TRIM59: variants seen among roughly 807,000 people sequenced by gnomAD.
TRIM59 encodes the protein tripartite motif containing 59.
In TRIM59, 14 loss-of-function variants were observed where a neutral mutation model predicts 32.2. That is an observed-to-expected ratio of 0.43 (90% CI 0.29 to 0.68). The LOEUF is 0.68. TRIM59 is among the 30% of genes least tolerant of loss of function. TRIM59 has a pLI of 0.15. For missense variants in TRIM59, 471 were observed against 463.3 expected (o/e 1.02, Z -0.15); for synonymous variants, 163 against 155.1 (o/e 1.05, Z -0.38).
rs1718908980 is a variant in TRIM59, at chr3:160,435,814, G to A, written c.*2158C>T. 1 of 555,342 alleles carries A rather than the reference G, an allele frequency of 1.8e-6. No individual in the cohort carries two copies. 34.4% of individuals were successfully genotyped at this position (555,342 alleles called of 1,614,324 possible). A position where few individuals can be genotyped will look rare whatever the true frequency, so the allele number is the denominator to read the frequency against. On this transcript the variant is annotated 3_prime_UTR_variant, in exon 3 of 3. Coordinates refer to ENST00000309784, the MANE Select transcript of TRIM59 (RefSeq NM_173084.3). ...TGGCCTACTTTAAAGTTGAGTGATA[G>A]CATGAACTCTGAAAAGAGAATGCAT...
In TRIM59 at chr3:160,436,871, G is replaced by T. The variant is rs1307287097; in HGVS notation, c.*1101C>A. 2 of 950,762 alleles carry T rather than the reference G, an allele frequency of 2.1e-6. No homozygotes were observed. Among genetic ancestry groups the T allele is most frequent in the Admixed American group, 6.4e-5 (1 of 15,526 alleles). 58.9% of individuals were successfully genotyped at this position (950,762 alleles called of 1,614,324 possible). A position where few individuals can be genotyped will look rare whatever the true frequency, so the allele number is the denominator to read the frequency against. ...TGCATTAGCTTAAGGGAATGTGGTA[G>T]AAAATTTAAATGAGTTAAGATGAAT... is the stretch of plus-strand genomic sequence containing the variant. On this transcript the variant is annotated 3_prime_UTR_variant, in exon 3 of 3. Coordinates refer to ENST00000309784, the MANE Select transcript of TRIM59 (RefSeq NM_173084.3).
In TRIM59 at chr3:160,439,015, G is replaced by A. The variant is rs1291025283; in HGVS notation, c.169C>T (p.Pro57Ser). 6.2e-7 allele frequency: 1 copy of A among 1,612,448 alleles called. No individual in the cohort carries two copies. The highest frequency in any genetic ancestry group is 2.2e-5 in the East Asian group (1 of 44,846). Residue 57 changes from proline to serine, a missense_variant, in exon 3 of 3, where the codon CCT (proline) becomes TCT (serine). Transcript: ENST00000309784. ...WRPLRIPLKC[P>S]NCRSITEIAP... ...ATTTCAGTAATACTTCTGCAATTAG[G>A]GCACTTGAGTGGAATTCGTAAAGGT...
chr3:160,449,383 G>A, intron 1 of TRIM59: 1 of 695,074 alleles, frequency 1.4e-6, no homozygotes, highest in Non-Finnish European at 2.0e-6. Flanking sequence ...CACTCTCCCA[G>A]GCCTCCCTCC....
intron 1 of TRIM59, 106 bp downstream of exon 1, chr3:160,449,611 C>A: frequency 3.1e-6 from 4 of 1,289,616 alleles, no homozygotes; most frequent in Non-Finnish European, 4.0e-6. Context: ...TCGTCGCGCC[C>A]CCAGGACTCC....
rs576630976 is a variant in TRIM59, at chr3:160,445,089, T to TA, written c.-4+3636dup. 5.4e-3 allele frequency among the ~76,000 whole-genome samples: 726 copies of TA among 133,656 alleles called. 7 individuals carry two copies. Among genetic ancestry groups the TA allele is most frequent in the African/African-American group, 0.014 (514 of 36,228 alleles). The allele number at this position is 133,656 out of a possible 152,430, so 87.7% of individuals were successfully genotyped here. A position where few individuals can be genotyped will look rare whatever the true frequency, so the allele number is the denominator to read the frequency against. ...CAAAAGGAATATAAAATAATTCAAC[T>TA]AAAAAAAAAAAAGAGGAAAAGTGGA... On this transcript the variant is annotated intron_variant, in intron 2 of 2. Transcript: ENST00000309784.
chr3:160,440,574 C>CA (rs1411515617), intron 2 of TRIM59, among the ~76,000 whole-genome samples: 1 of 152,134 alleles, frequency 6.6e-6, no homozygotes, highest in Non-Finnish European at 1.5e-5. Flanking sequence ...AGAGAAAAAT[C>CA]AAGTTATACC....
chr3:160,438,674 T>C lies in TRIM59; in HGVS notation c.510A>G (p.Gln170=), dbSNP rs376959396. ...LTHLIEKLKE[Q]KSHSEKMIQG... is the part of the protein sequence containing the mutation. ...GGATCATTTTCTCAGAATGAGATTT[T>C]TGTTCTTTCAGCTTTTCAATAAGAT... The change falls in exon 3 of 3, where the codon CAA becomes CAG. Residue 170 remains glutamine, a synonymous_variant. Transcript: ENST00000309784. The C allele has an allele frequency of 2.5e-6, 4 of 1,613,326 alleles. No individual in the cohort carries two copies. The highest frequency in any genetic ancestry group is 2.7e-5 in the African/African-American group (2 of 74,854).
chr3:160,435,764 T>C lies in TRIM59; in HGVS notation c.*2208A>G. The C allele has an allele frequency of 2.5e-6, 1 of 402,650 alleles. No individual in the cohort carries two copies. The highest frequency in any genetic ancestry group is 4.8e-6 in the Non-Finnish European group (1 of 206,520). The allele number at this position is 402,650 out of a possible 1,614,324, so 24.9% of individuals were successfully genotyped here. ...TTACGTTTTTAGCATTCTTACAGAT[T>C]ACAAACCCTTACCAACATTAATCTT... On this transcript the variant is annotated 3_prime_UTR_variant, in exon 3 of 3. Transcript: ENST00000309784.
Position 160,436,474 on chromosome 3 carries a change from AATTGGCCCTCTTAAGCAAAGCT to A in TRIM59, c.*1476_*1497del. The A allele has an allele frequency of 1.0e-6, 1 of 985,868 alleles. No homozygotes were observed. The highest frequency in any genetic ancestry group is 4.7e-5 in the South Asian group (1 of 21,280). 61.1% of individuals were successfully genotyped at this position (985,868 alleles called of 1,614,324 possible). A position where few individuals can be genotyped will look rare whatever the true frequency, so the allele number is the denominator to read the frequency against. ...AAAGGGAACTAAAGGGCTTTGATTTAATTGGCCCTCTTAAGCAAAGCTAATAAAAGATTAAGTTGTTGGGCCG... is the reference window on the plus strand; with the variant it reads ...AAAGGGAACTAAAGGGCTTTGATTTAAATAAAAGATTAAGTTGTTGGGCCG... On this transcript the variant is annotated 3_prime_UTR_variant, in exon 3 of 3. Coordinates refer to ENST00000309784, the MANE Select transcript of TRIM59 (RefSeq NM_173084.3).
chr3:160,440,798 C>T lies in TRIM59; in HGVS notation c.-3-1612G>A, dbSNP rs139137677. Reference sequence around the variant, plus strand: ...TGGTGTCAAATGCGTGTAATCCCAGCTACTTGGGAGGCTGAGACAGGAGAA... The same window carrying T: ...TGGTGTCAAATGCGTGTAATCCCAGTTACTTGGGAGGCTGAGACAGGAGAA... On this transcript the variant is annotated intron_variant, in intron 2 of 2. Coordinates refer to ENST00000309784, the MANE Select transcript of TRIM59 (RefSeq NM_173084.3). Among the ~76,000 whole-genome samples the T allele has an allele frequency of 2.3e-3, 351 of 152,210 alleles. 3 individuals are homozygous for T. Among genetic ancestry groups the T allele is most frequent in the African/African-American group, 7.8e-3 (325 of 41,526 alleles).
chr3:160,449,518 C>T, intron 1 of TRIM59, 199 bp downstream of exon 1: 3 of 1,237,048 alleles, frequency 2.4e-6, no homozygotes, highest in Non-Finnish European at 3.1e-6. Context: ...CGCAGCTCCA[C>T]AGTGGAGGGA....
chr3:160,441,744 A>C (rs1719258425), intron 2 of TRIM59, among the ~76,000 whole-genome samples: 2 of 140,014 alleles, frequency 1.4e-5, no homozygotes, highest in South Asian at 2.3e-4. Context: ...ACAGAGTGAG[A>C]CTCCATCTCA....
At chr3:160,440,813 A>C (rs1245803379) in intron 2 of TRIM59, among the ~76,000 whole-genome samples, 1 of 152,160 alleles carries the variant, frequency 6.6e-6, no homozygotes, top group African/African-American at 2.4e-5. Context: ...TGGGAGGCTG[A>C]GACAGGAGAA....
chr3:160,438,262 A>T lies in TRIM59; in HGVS notation c.922T>A (p.Ser308Thr). 3.7e-6 allele frequency: 6 copies of T among 1,613,714 alleles called. No homozygotes were observed. Among genetic ancestry groups the T allele is most frequent in the Non-Finnish European group, 5.1e-6 (6 of 1,179,934 alleles). ...KNVLIPKMKI[S>T]PKRMSCSWPG... ...CAGGAACATGACATCCTTTTTGGAG[A>T]AATTTTCATTTTGGGAATGAGAACG... The change falls in exon 3 of 3, where the codon TCT becomes ACT. Residue 308 changes from serine to threonine, a missense_variant. Ser to Thr is a moderately conservative substitution (Grantham distance 58, BLOSUM62 1). Coordinates refer to ENST00000309784, the MANE Select transcript of TRIM59 (RefSeq NM_173084.3).
chr3:160,443,642 G>C (rs903128718), intron 2 of TRIM59, among the ~76,000 whole-genome samples: 14 of 151,876 alleles, frequency 9.2e-5, no homozygotes, highest in Admixed American at 3.3e-4. Flanking sequence ...CCAAAAGACA[G>C]ATCTTTTTTT....
Position 160,435,749 on chromosome 3 carries a change from A to G in TRIM59, c.*2223T>C. 1 of 347,184 alleles carries G rather than the reference A, an allele frequency of 2.9e-6. No homozygotes were observed. Among genetic ancestry groups the G allele is most frequent in the South Asian group, 2.3e-5 (1 of 44,002 alleles). The allele number at this position is 347,184 out of a possible 1,614,324, so 21.5% of individuals were successfully genotyped here. A position where few individuals can be genotyped will look rare whatever the true frequency, so the allele number is the denominator to read the frequency against. On this transcript the variant is annotated 3_prime_UTR_variant, in exon 3 of 3. Transcript: ENST00000309784. ...AAATGATATATATACTTACGTTTTT[A>G]GCATTCTTACAGATTACAAACCCTT...
intron 2 of TRIM59, among the ~76,000 whole-genome samples, chr3:160,445,532 G>C (rs1226999849): frequency 6.6e-6 from 1 of 152,116 alleles, no homozygotes; most frequent in East Asian, 1.9e-4. Context: ...CCAGCACCTT[G>C]GGAGGCCGAG....
At chr3:160,441,069 G>A (rs141369287) in intron 2 of TRIM59, among the ~76,000 whole-genome samples, 3 of 152,050 alleles carry the variant, frequency 2.0e-5, no homozygotes, top group South Asian at 2.1e-4. Context: ...TTATCTTTAC[G>A]ATCTGTCAAA....
Position 160,435,999 on chromosome 3 carries a change from A to T in TRIM59, c.*1973T>A, listed in dbSNP as rs1718922408. On this transcript the variant is annotated 3_prime_UTR_variant, in exon 3 of 3. Coordinates refer to ENST00000309784, the MANE Select transcript of TRIM59 (RefSeq NM_173084.3). Reference sequence around the variant, plus strand: ...TTACGTGTTTTTGAAACTACAGGGCACTTTTATGGTGTGACTAGTATTTTA... The same window carrying T: ...TTACGTGTTTTTGAAACTACAGGGCTCTTTTATGGTGTGACTAGTATTTTA... 1 of 1,253,980 alleles carries T rather than the reference A, an allele frequency of 8.0e-7. No homozygotes were observed. Among genetic ancestry groups the T allele is most frequent in the African/African-American group, 1.5e-5 (1 of 64,646 alleles). The allele number at this position is 1,253,980 out of a possible 1,614,324, so 77.7% of individuals were successfully genotyped here.
Sources: allele counts gnomAD v4.1 joint callset (sites outside exome capture counted in the v4.1 genomes callset), GRCh38; gene constraint gnomAD v4.1.1; transcripts MANE v1.5; gene names NCBI Gene and HGNC (gene_info 2026-07-23, HGNC 2026-07-21).